KCNH1: variants seen among roughly 807,000 people sequenced by gnomAD.
KCNH1 encodes the protein voltage-gated delayed rectifier potassium channel KCNH1.
A neutral mutation model predicts 69.2 loss-of-function variants in KCNH1; 27 were observed. The ratio of observed to expected loss-of-function variants is 0.39; its 90% CI spans 0.29 to 0.54. KCNH1 has a LOEUF of 0.54. Ranked by LOEUF, KCNH1 falls within the 20% of genes least tolerant of loss-of-function variation. The pLI is 0.68. For missense variants in KCNH1, 798 were observed against 1,261.6 expected, an observed-to-expected ratio of 0.63 and a Z score of 5.57; for synonymous variants, 456 against 487.7, an observed-to-expected ratio of 0.93 and a Z score of 0.86.
intron 4 of KCNH1, 84 bp downstream of exon 4, chr1:211,090,478 T>C (rs1229394294): frequency 1.3e-5 from 17 of 1,266,662 alleles, no homozygotes; most frequent in Non-Finnish European, 1.9e-5. Context: ...GTGATTGCCT[T>C]GACAACCTTA....
At chr1:210,859,161 AG>A in intron 7 of KCNH1, 1 of 1,461,410 alleles carries the variant, frequency 6.8e-7, no homozygotes, top group Admixed American at 1.7e-5. Context: ...ACAGTAGGAA[AG>A]AAAGAGATAA....
Position 210,919,959 on chromosome 1 carries a change from C to G in KCNH1, c.1143G>C (p.Leu381=), listed in dbSNP as rs1460192452. The G allele has an allele frequency of 1.2e-6, 2 of 1,614,162 alleles. No individual in the cohort carries two copies. The highest frequency in any genetic ancestry group is 1.7e-5 in the Admixed American group (1 of 60,020). The change falls in exon 7 of 11, where the codon CTG becomes CTC. Residue 381 remains leucine (L), a synonymous_variant. Coordinates refer to ENST00000271751, the MANE Select transcript of KCNH1 (RefSeq NM_172362.3). This position sits in a 1 kb window ranked among gnomAD's most constrained non-coding sequence, Gnocchi z 4.2. Reference sequence around the variant, plus strand: ...CAGCCAGCCCAAACACACACACCAGCAGGACCAGCACAGCAGCTCCATATT... The same window carrying G: ...CAGCCAGCCCAAACACACACACCAGGAGGACCAGCACAGCAGCTCCATATT... ...YIEYGAAVLV[L]LVCVFGLAAH... is the part of the protein sequence containing the mutation.
chr1:211,032,455 T>A (rs1689806464), intron 5 of KCNH1, among the ~76,000 whole-genome samples: 1 of 152,096 alleles, frequency 6.6e-6, no homozygotes. Context: ...CATTGCCAAG[T>A]CAATCCTAAG....
At chr1:210,768,655 C>T (rs1683689723) in intron 10 of KCNH1, among the ~76,000 whole-genome samples, 1 of 152,220 alleles carries the variant, frequency 6.6e-6, no homozygotes, top group Non-Finnish European at 1.5e-5. Context: ...CCCCCTGCCC[C>T]AGCTAGCAAA....
intron 10 of KCNH1, among the ~76,000 whole-genome samples, chr1:210,694,458 A>T (rs960964018): frequency 6.6e-6 from 1 of 151,972 alleles, no homozygotes; most frequent in Non-Finnish European, 1.5e-5. Flanking sequence ...GGGTGGTGGG[A>T]GTAGGCAGTA....
At chr1:210,916,676 T>C (rs1231916298) in intron 7 of KCNH1, among the ~76,000 whole-genome samples, 3 of 152,166 alleles carry the variant, frequency 2.0e-5, no homozygotes. Flanking sequence ...GAAATGGAGA[T>C]AATAATCTCT....
At chr1:210,772,149 A>G (rs1479742116) in intron 10 of KCNH1, among the ~76,000 whole-genome samples, 8 of 152,192 alleles carry the variant, frequency 5.3e-5, no homozygotes, top group Admixed American at 2.6e-4. Flanking sequence ...CAGCTCTGTG[A>G]CCTTTCTATA....
intron 7 of KCNH1, among the ~76,000 whole-genome samples, chr1:210,904,304 G>T (rs1290450237): frequency 6.6e-6 from 1 of 152,190 alleles, no homozygotes; most frequent in Admixed American, 6.5e-5. Context: ...TCCACACCAT[G>T]TAGAAGAACA....
chr1:211,107,284 G>A lies in KCNH1; in HGVS notation c.173C>T (p.Ala58Val). 1 of 1,613,404 alleles carries A rather than the reference G, an allele frequency of 6.2e-7. No individual in the cohort carries two copies. ...GFCKLSGYHR[A>V]EVMQKSSTCS... The stretch of plus-strand genomic sequence containing the variant: ...GGTGCTGCTTTTTTGCATCACTTCT[G>A]CCCTGTGATAGCCAGACAGCTTGCA... The change falls in exon 2 of 11, where the codon GCA becomes GTA. Residue 58 changes from alanine (A) to valine (V), a missense_variant. Physicochemically the swap from Ala to Val is moderately conservative, Grantham distance 64. Transcript: ENST00000271751.
intron 7 of KCNH1, among the ~76,000 whole-genome samples, chr1:210,896,973 G>T (rs1319825132): frequency 6.6e-6 from 1 of 152,114 alleles, no homozygotes; most frequent in Non-Finnish European, 1.5e-5. Context: ...AGTGTATTTT[G>T]GTCTTGGCAG....
chr1:210,859,527 CT>C, intron 7 of KCNH1: 1 of 1,597,380 alleles, frequency 6.3e-7, no homozygotes, highest in Non-Finnish European at 8.6e-7. Flanking sequence ...CACCTGCCTG[CT>C]TAGCCAGAAT....
rs1216631966 is a variant in KCNH1 at position 210,836,039 on chromosome 1, GA to G, written c.1463-31874del. Among the ~76,000 whole-genome samples the G allele has an allele frequency of 2.7e-5, 4 of 149,016 alleles. No individual in the cohort carries two copies. The East Asian group carries it at 7.9e-4, about 30-fold the overall frequency. On this transcript the variant is annotated intron_variant, in intron 7 of 10. Coordinates refer to ENST00000271751, the MANE Select transcript of KCNH1 (RefSeq NM_172362.3). ...CAGCTACTAGGGAGGCTGAACCTGGGAGGCGGAGGTTGCAGTGAGCCAAGAT... is the reference window on the plus strand; with the variant it reads ...CAGCTACTAGGGAGGCTGAACCTGGGGGCGGAGGTTGCAGTGAGCCAAGAT...
chr1:210,860,967 A>C, intron 7 of KCNH1: 2 of 988,076 alleles, frequency 2.0e-6, no homozygotes, highest in Non-Finnish European at 3.3e-6. Flanking sequence ...TTTCAGCTAA[A>C]GAGCCAATCA....
chr1:210,763,784 A>G (rs562738461), intron 10 of KCNH1, among the ~76,000 whole-genome samples: 1 of 152,318 alleles, frequency 6.6e-6, no homozygotes, highest in East Asian at 1.9e-4. Flanking sequence ...TAAAATGTGC[A>G]TACTTCCCAA....
At chr1:210,701,943 A>C (rs993027471) in intron 10 of KCNH1, among the ~76,000 whole-genome samples, 2 of 151,530 alleles carry the variant, frequency 1.3e-5, no homozygotes, top group South Asian at 2.1e-4. Flanking sequence ...AACATGCCCC[A>C]AAAGCCACTG....
At position 210,735,822 on chromosome 1, in the gene KCNH1, G is replaced by C. The variant is rs76601071; in HGVS notation, c.2112+39526C>G. On this transcript the variant is annotated intron_variant, in intron 10 of 10. Coordinates refer to ENST00000271751, the MANE Select transcript of KCNH1 (RefSeq NM_172362.3). ...AGACACACACACACACACACACACA[G>C]AGAGAGAGAGAGAGAGAGAGCGCAC... Among the ~76,000 whole-genome samples, 271 of 118,182 alleles carry C rather than the reference G, an allele frequency of 2.3e-3. 2 individuals carry two copies. Among genetic ancestry groups the C allele is most frequent in the East Asian group, 0.011 (50 of 4,612 alleles). 77.5% of individuals were successfully genotyped at this position (118,182 alleles called of 152,430 possible).
At chr1:210,785,583 C>T (rs1684084092) in intron 9 of KCNH1, among the ~76,000 whole-genome samples, 1 of 152,078 alleles carries the variant, frequency 6.6e-6, no homozygotes, top group Non-Finnish European at 1.5e-5. Flanking sequence ...CGGGGTGTTT[C>T]ACTGTGTTGA....
At position 211,068,544 on chromosome 1, in the gene KCNH1, T is replaced by C. The variant is rs112650174; in HGVS notation, c.558+14236A>G. Among the ~76,000 whole-genome samples the C allele has an allele frequency of 3.8e-3, 575 of 152,224 alleles. 5 individuals carry two copies. The highest frequency in any genetic ancestry group is 0.013 in the African/African-American group (532 of 41,556). On this transcript the variant is annotated intron_variant, in intron 5 of 10. Transcript: ENST00000271751. ...CTGAGCAGCTAGGACTATAGGCACA[T>C]GCCACCATGCCCGGCTAATTTTTGT...
intron 7 of KCNH1, among the ~76,000 whole-genome samples, chr1:210,890,148 A>G (rs957283297): frequency 1.3e-5 from 2 of 152,348 alleles, no homozygotes; most frequent in East Asian, 1.9e-4. Flanking sequence ...AAACTATACT[A>G]CAAGGCTACA....
Sources: gnomAD v4.1 joint callset for allele counts (sites outside exome capture counted in the v4.1 genomes callset) on GRCh38, gnomAD v4.1.1 for gene constraint, Gnocchi (gnomAD v3.1) non-coding constraint, MANE v1.5 for transcripts, NCBI Gene and HGNC (gene_info 2026-07-23, HGNC 2026-07-21) for gene names.